LRP8: variants seen among roughly 807,000 people sequenced by gnomAD.
The protein encoded by LRP8 is low-density lipoprotein receptor-related protein 8.
In LRP8, 46 loss-of-function variants were observed where a neutral mutation model predicts 111.6. The observed-to-expected ratio is 0.41, with a 90% CI of 0.33 to 0.53. The LOEUF is 0.53. Among genes scored for constraint, LRP8 ranks in the 20% least tolerant of loss-of-function variants. The pLI, the probability that LRP8 is intolerant of heterozygous loss-of-function variation, is 0.20. For synonymous variants in LRP8, 464 were observed against 511.2 expected, an observed-to-expected ratio of 0.91 and a Z score of 1.24; for missense variants, 959 against 1,297.4, an observed-to-expected ratio of 0.74 and a Z score of 4.01.
rs1651433586 is a variant in LRP8, at chr1:53,303,812, C to T, written c.245-14123G>A. On this transcript the variant is annotated intron_variant, in intron 2 of 18. Transcript: ENST00000306052. The surrounding 1 kb of genome is among the most constrained non-coding windows in gnomAD (Gnocchi z 4.3). ...CCGCTGACATATGGCCATTCGCCCT[C>T]TTGAATGCTCTCAGCGACAGGGGAC... Among the ~76,000 whole-genome samples the T allele has an allele frequency of 6.6e-6, 1 of 152,242 alleles. No individual in the cohort carries two copies. Among genetic ancestry groups the T allele is most frequent in the Non-Finnish European group, 1.5e-5 (1 of 68,050 alleles).
In LRP8 at chr1:53,289,428, ATC is replaced by A. The variant is rs1648214712; in HGVS notation, c.367+137_367+138del. 10 of 1,182,644 alleles carry A rather than the reference ATC, an allele frequency of 8.5e-6. No homozygotes were observed. The Admixed American group carries it at 1.9e-4, about 22-fold the overall frequency. 73.3% of individuals were successfully genotyped at this position (1,182,644 alleles called of 1,614,324 possible). On this transcript the variant is annotated intron_variant, in intron 3 of 18. Coordinates refer to ENST00000306052, the MANE Select transcript of LRP8 (RefSeq NM_004631.5). ...TCAGTAGAAACCAGCAACTAAATAT[ATC>A]TGTTTACCAGGAGCGCCCTGAGTGC...
rs759395062 is a variant in LRP8 at position 53,327,836 on chromosome 1, A to AGCC, written c.76_77insGGC (p.Gln25_Leu26insArg). ...AGCCGCTGCCGCCGCAAGATGCTGG[A>AGCC]GCTGCAGCAGCAGCAGCAGCAGCAG... On this transcript the variant is annotated inframe_insertion, in exon 1 of 19. Transcript: ENST00000306052. The AGCC allele has an allele frequency of 1.1e-3, 1,609 of 1,493,010 alleles. 2 individuals are homozygous for AGCC. Among genetic ancestry groups the AGCC allele is most frequent in the African/African-American group, 3.0e-3 (182 of 61,462 alleles). The allele number at this position is 1,493,010 out of a possible 1,614,324, so 92.5% of individuals were successfully genotyped here. A position where few individuals can be genotyped will look rare whatever the true frequency, so the allele number is the denominator to read the frequency against.
At chr1:53,290,764 GC>G (rs1298199995) in intron 2 of LRP8, among the ~76,000 whole-genome samples, 3 of 152,150 alleles carry the variant, frequency 2.0e-5, no homozygotes, top group Non-Finnish European at 2.9e-5. Context: ...CACCTAGCAG[GC>G]CCGGGGGAGA....
Position 53,283,446 on chromosome 1 carries a change from C to CACTT in LRP8, c.368-2735_368-2732dup, listed in dbSNP as rs762947167. Among the ~76,000 whole-genome samples the CACTT allele has an allele frequency of 2.7e-5, 4 of 146,316 alleles. No homozygotes were observed. In the South Asian group the frequency reaches 6.7e-4, roughly 25 times the overall value. On this transcript the variant is annotated intron_variant, in intron 3 of 18. Transcript: ENST00000306052. ...CCACTTACTTACTACATACCCGGGC[C>CACTT]ACTTACTTACTACATACCCGGGCCA... is the stretch of plus-strand genomic sequence containing the variant.
intron 15 of LRP8, among the ~76,000 whole-genome samples, chr1:53,255,636 T>C (rs1172234538): frequency 1.3e-5 from 2 of 152,212 alleles, no homozygotes; most frequent in African/African-American, 4.8e-5. Context: ...TCCATCTGCA[T>C]TATCAGATTA....
chr1:53,276,085 A>C (rs1646907621), intron 5 of LRP8, among the ~76,000 whole-genome samples: 1 of 152,046 alleles, frequency 6.6e-6, no homozygotes, highest in East Asian at 1.9e-4. Flanking sequence ...CTTGGTGCTC[A>C]TTACTTAATG....
At chr1:53,258,502 C>G in intron 13 of LRP8, 31 bp from the exon 14 acceptor site, 1 of 1,609,716 alleles carries the variant, frequency 6.2e-7, no homozygotes, top group East Asian at 2.2e-5. Context: ...AGCTGGGGCA[C>G]AGACAGGACA....
intron 16 of LRP8, among the ~76,000 whole-genome samples, chr1:53,254,396 T>G (rs1646001869): frequency 6.6e-6 from 1 of 151,916 alleles, no homozygotes; most frequent in Non-Finnish European, 1.5e-5. Context: ...CTCCCTCACT[T>G]GGCTGACCCA....
rs1483131270 is a variant in LRP8 at position 53,326,958 on chromosome 1, C to G, written c.159G>C (p.Gln53His). 5 of 1,613,822 alleles carry G rather than the reference C, an allele frequency of 3.1e-6. No individual in the cohort carries two copies. The highest frequency in any genetic ancestry group is 4.2e-6 in the Non-Finnish European group (5 of 1,180,002). Residue 53 changes from glutamine (Q) to histidine (H), a missense_variant, in exon 2 of 19, where the codon CAG (glutamine) becomes CAC (histidine). Around this residue, in one of 3 missense-constraint regions of LRP8, gnomAD observed 97 missense variants for 107.5 expected, o/e 0.90. Coordinates refer to ENST00000306052, the MANE Select transcript of LRP8 (RefSeq NM_004631.5). ...AGGGGATGCAGCGCTCGTTCCGGCA[C>G]TGGAATTGGTCCTTTTCGCAATCCT... ...PAKDCEKDQFQCRNERCIPSV... is the reference protein window; with the variant it reads ...PAKDCEKDQFHCRNERCIPSV...
chr1:53,306,812 G>A (rs951749069), intron 2 of LRP8, among the ~76,000 whole-genome samples: 32 of 152,186 alleles, frequency 2.1e-4, no homozygotes, highest in Admixed American at 1.8e-3. Flanking sequence ...GGCTCTGATC[G>A]TATTGTGATG....
intron 2 of LRP8, chr1:53,305,003 G>C (rs757609262): frequency 1.3e-5 from 2 of 152,278 alleles, no homozygotes; most frequent in Non-Finnish European, 2.9e-5. Context: ...ACAGCTTGAA[G>C]AGGAAGCCAC....
intron 4 of LRP8, among the ~76,000 whole-genome samples, 189 bp downstream of exon 4, chr1:53,280,398 G>C (rs1231307520): frequency 6.6e-6 from 1 of 152,158 alleles, no homozygotes; most frequent in Non-Finnish European, 1.5e-5. Context: ...TGCTCATGAG[G>C]TGCTTGTGAA....
rs375304045 is a variant in LRP8 at position 53,326,945 on chromosome 1, G to C, written c.172C>G (p.Arg58Gly). 3.3e-5 allele frequency: 53 copies of C among 1,613,756 alleles called. No homozygotes were observed. Among genetic ancestry groups the C allele is most frequent in the Non-Finnish European group, 4.5e-5 (53 of 1,180,004 alleles). The change falls in exon 2 of 19, where the codon CGC becomes GGC. Residue 58 changes from arginine to glycine, a missense_variant. This residue lies in a region of LRP8 where 97 missense variants were observed against 107.5 expected (regional missense o/e 0.90). Coordinates refer to ENST00000306052, the MANE Select transcript of LRP8 (RefSeq NM_004631.5). ...EKDQFQCRNERCIPSVWRCDE... is the reference protein window; with the variant it reads ...EKDQFQCRNEGCIPSVWRCDE... The stretch of plus-strand genomic sequence containing the variant: ...CATCTCCACACAGAGGGGATGCAGC[G>C]CTCGTTCCGGCACTGGAATTGGTCC...
chr1:53,319,687 C>T (rs1038437088), intron 2 of LRP8, among the ~76,000 whole-genome samples: 6 of 152,202 alleles, frequency 3.9e-5, no homozygotes, highest in African/African-American at 9.6e-5. Context: ...ACTCCGGCTG[C>T]GGGGTGATTA....
At position 53,275,577 on chromosome 1, in the gene LRP8, C is replaced by G; in HGVS notation, c.1006+54G>C. The G allele has an allele frequency of 6.2e-7, 1 of 1,600,232 alleles. No homozygotes were observed. Among genetic ancestry groups the G allele is most frequent in the Non-Finnish European group, 8.5e-7 (1 of 1,170,240 alleles). ...CCAACTCTGCCCTCTGGAGAGTTAC[C>G]AGAGCCTAGGGCATCCTCACAGAGG... On this transcript the variant is annotated intron_variant, in intron 6 of 18. Coordinates refer to ENST00000306052, the MANE Select transcript of LRP8 (RefSeq NM_004631.5). The surrounding 1 kb of genome is among the most constrained non-coding windows in gnomAD (Gnocchi z 4.4).
At chr1:53,282,060 C>T (rs1463915963) in intron 3 of LRP8, among the ~76,000 whole-genome samples, 1 of 152,152 alleles carries the variant, frequency 6.6e-6, no homozygotes, top group African/African-American at 2.4e-5. Context: ...GCTTCGCCCT[C>T]CATTTTGCTC....
intron 16 of LRP8, 91 bp downstream of exon 16, chr1:53,255,025 AG>A: frequency 4.5e-6 from 6 of 1,330,658 alleles, no homozygotes; most frequent in Non-Finnish European, 6.4e-6. Flanking sequence ...ACAAGTCAAT[AG>A]GGCAGGCCAA....
chr1:53,254,658 G>A (rs1223501303), intron 16 of LRP8, among the ~76,000 whole-genome samples: 1 of 152,114 alleles, frequency 6.6e-6, no homozygotes, highest in Non-Finnish European at 1.5e-5. Context: ...GCACATAGTA[G>A]CTGCTTAATA....
Position 53,312,142 on chromosome 1 carries a change from T to C in LRP8, c.244+14731A>G, listed in dbSNP as rs538608996. 3.9e-5 allele frequency among the ~76,000 whole-genome samples: 6 copies of C among 152,242 alleles called. No individual in the cohort carries two copies. The South Asian group carries it at 1.2e-3, about 32-fold the overall frequency. On this transcript the variant is annotated intron_variant, in intron 2 of 18. Transcript: ENST00000306052. ...GGCAGGCCCATGAATGTTATGATTCTCACCACAGTCATACGAGGTGAGCAG... is the reference window on the plus strand; with the variant it reads ...GGCAGGCCCATGAATGTTATGATTCCCACCACAGTCATACGAGGTGAGCAG...
Sources: gnomAD v4.1 joint callset for allele counts (sites outside exome capture counted in the v4.1 genomes callset) on GRCh38, gnomAD v4.1.1 for gene constraint, gnomAD v4.1.1 regional missense constraint, Gnocchi (gnomAD v3.1) non-coding constraint, MANE v1.5 for transcripts, NCBI Gene and HGNC (gene_info 2026-07-23, HGNC 2026-07-21) for gene names.